Variants in MAGI2 observed in about 807,000 individuals in gnomAD.
MAGI2 encodes the protein membrane-associated guanylate kinase, WW and PDZ domain-containing protein 2.
MAGI2 carries 35 observed loss-of-function variants against 133.3 expected under a neutral mutation model. That is an observed-to-expected ratio of 0.26 (90% CI 0.20 to 0.35). The LOEUF (loss-of-function observed/expected upper bound fraction) is 0.35, where lower values mean the gene tolerates loss of function less well. Among genes scored for constraint, MAGI2 ranks in the 10% least tolerant of loss-of-function variants. The pLI is 1.00. For missense variants in MAGI2, 1,636 were observed against 1,863.4 expected, an observed-to-expected ratio of 0.88 and a Z score of 2.25; for synonymous variants, 729 against 710.6, an observed-to-expected ratio of 1.03 and a Z score of -0.41.
intron 2 of MAGI2, among the ~76,000 whole-genome samples, chr7:78,818,134 T>A (rs1789772442): frequency 6.6e-6 from 1 of 152,176 alleles, no homozygotes; most frequent in African/African-American, 2.4e-5. Flanking sequence ...CCATCATTAA[T>A]ATTGGTGATG....
intron 1 of MAGI2, among the ~76,000 whole-genome samples, chr7:79,371,593 G>C (rs1843054689): frequency 6.6e-6 from 1 of 152,078 alleles, no homozygotes; most frequent in Admixed American, 6.6e-5. Flanking sequence ...TTGTAGCGTA[G>C]AAACAGTAGG....
At chr7:79,287,202 A>T (rs1158480604) in intron 1 of MAGI2, among the ~76,000 whole-genome samples, 1 of 152,130 alleles carries the variant, frequency 6.6e-6, no homozygotes. Context: ...ATAATAATTC[A>T]TATTTAACAA....
intron 1 of MAGI2, among the ~76,000 whole-genome samples, chr7:79,109,604 A>C (rs1430746716): frequency 1.3e-5 from 2 of 152,230 alleles, no homozygotes; most frequent in African/African-American, 2.4e-5. Context: ...GCAGAGCAAA[A>C]TATTTGTAAA....
chr7:78,085,295 G>A (rs759530296), intron 20 of MAGI2, among the ~76,000 whole-genome samples: 1 of 152,094 alleles, frequency 6.6e-6, no homozygotes, highest in Non-Finnish European at 1.5e-5. Context: ...TTGGAAGGCT[G>A]AAGTGGGAGG....
At position 78,135,093 on chromosome 7, in the gene MAGI2, G is replaced by A. The variant is rs1407946185; in HGVS notation, c.2959C>T (p.Pro987Ser). 1.2e-6 allele frequency: 2 copies of A among 1,614,086 alleles called. No individual in the cohort carries two copies. The highest frequency in any genetic ancestry group is 1.7e-6 in the Non-Finnish European group (2 of 1,179,972). Residue 987 changes from proline to serine, a missense_variant, in exon 17 of 22, where the codon CCT becomes TCT. Around this residue, in one of 5 missense-constraint regions of MAGI2, gnomAD observed 920 missense variants for 1,093.5 expected, o/e 0.84. Transcript: ENST00000354212. ...ATGAGCTTCACGATGTCAGCGTGAG[G>A]CATGTTGATGATAGACTGGCCATTC... ...AVNGQSIINM[P>S]HADIVKLIKD...
At chr7:79,173,328 T>TA (rs1368327792) in intron 1 of MAGI2, among the ~76,000 whole-genome samples, 2 of 151,802 alleles carry the variant, frequency 1.3e-5, no homozygotes, top group African/African-American at 4.8e-5. Flanking sequence ...TAATTGCATT[T>TA]TTTTTTTTAC....
intron 21 of MAGI2, among the ~76,000 whole-genome samples, chr7:78,044,237 C>T (rs1023553530): frequency 2.6e-5 from 4 of 152,092 alleles, no homozygotes; most frequent in African/African-American, 4.8e-5. Context: ...GTTTGTCATC[C>T]ATTATTTCTA....
At position 78,185,730 on chromosome 7, in the gene MAGI2, T is replaced by G. The variant is rs566066191; in HGVS notation, c.2270-60A>C. On this transcript the variant is annotated intron_variant, in intron 12 of 21. Transcript: ENST00000354212. ...CATTTATGGCATTTTAAAATTCATC[T>G]TTACTTTCTTTTTGTTGCTATCATA... 3 of 1,322,134 alleles carry G rather than the reference T, an allele frequency of 2.3e-6. No individual in the cohort carries two copies. In the East Asian group the frequency reaches 7.0e-5, roughly 31 times the overall value. The allele number at this position is 1,322,134 out of a possible 1,614,324, so 81.9% of individuals were successfully genotyped here.
intron 4 of MAGI2, among the ~76,000 whole-genome samples, chr7:78,505,202 C>G (rs58090073): frequency 2.0e-5 from 3 of 151,904 alleles, no homozygotes; most frequent in Non-Finnish European, 4.4e-5. Context: ...ATTGCATGGG[C>G]CAATTTTTCC....
chr7:79,015,493 G>A (rs964796525), intron 1 of MAGI2, among the ~76,000 whole-genome samples: 2 of 152,082 alleles, frequency 1.3e-5, no homozygotes, highest in Non-Finnish European at 2.9e-5. Context: ...GTTTTTGATT[G>A]CATTTTACAA....
At chr7:78,564,653 A>C (rs1800746710) in intron 3 of MAGI2, among the ~76,000 whole-genome samples, 1 of 151,996 alleles carries the variant, frequency 6.6e-6, no homozygotes, top group African/African-American at 2.4e-5. Context: ...AAAATATGTT[A>C]CCCTCTGTCT....
intron 7 of MAGI2, chr7:78,351,690 GAACTAGCA>G (rs1395605089): frequency 2.0e-5 from 3 of 152,044 alleles, no homozygotes; most frequent in Non-Finnish European, 2.9e-5. Context: ...GACTACAGCT[GAACTAGCA>G]GGCAAACACA....
chr7:79,171,010 A>G (rs1825486837), intron 1 of MAGI2, among the ~76,000 whole-genome samples: 1 of 152,036 alleles, frequency 6.6e-6, no homozygotes, highest in Non-Finnish European at 1.5e-5. Context: ...CATAATGTTT[A>G]TGTTTGTTTG....
chr7:78,069,482 T>C (rs905262777), intron 21 of MAGI2, among the ~76,000 whole-genome samples: 1 of 143,448 alleles, frequency 7.0e-6, no homozygotes, highest in African/African-American at 2.5e-5. Context: ...TGTGTTTGTG[T>C]ATGTGTATGT....
intron 1 of MAGI2, among the ~76,000 whole-genome samples, chr7:79,280,935 A>G (rs1835591575): frequency 2.3e-4 from 2 of 8,812 alleles, no homozygotes; most frequent in Admixed American, 2.9e-3. Flanking sequence ...TGAAAAAAAA[A>G]AAAAAAAAAA....
At chr7:78,555,444 TA>T (rs1361045055) in intron 3 of MAGI2, among the ~76,000 whole-genome samples, 9 of 152,058 alleles carry the variant, frequency 5.9e-5, no homozygotes, top group Admixed American at 5.2e-4. Context: ...TGGACACATA[TA>T]AAAAAACTAT....
At chr7:78,659,856 T>C (rs1812740385) in intron 2 of MAGI2, among the ~76,000 whole-genome samples, 1 of 152,118 alleles carries the variant, frequency 6.6e-6, no homozygotes, top group Admixed American at 6.6e-5. Context: ...TCCAATTATC[T>C]CAAAATAAAA....
intron 2 of MAGI2, among the ~76,000 whole-genome samples, chr7:78,937,657 C>T (rs1180058386): frequency 6.6e-6 from 1 of 151,998 alleles, no homozygotes; most frequent in African/African-American, 2.4e-5. Flanking sequence ...TTATCACAAG[C>T]CAGTGGAAAA....
intron 1 of MAGI2, among the ~76,000 whole-genome samples, chr7:79,429,756 G>C (rs1847648210): frequency 6.6e-6 from 1 of 152,082 alleles, no homozygotes; most frequent in Non-Finnish European, 1.5e-5. Flanking sequence ...GGTTATTCAA[G>C]AATCTTCTAT....
Sources: allele counts gnomAD v4.1 joint callset (sites outside exome capture counted in the v4.1 genomes callset), GRCh38; gene constraint gnomAD v4.1.1; regional missense constraint gnomAD v4.1.1; transcripts MANE v1.5; gene names NCBI Gene and HGNC (gene_info 2026-07-23, HGNC 2026-07-21).